The following NDRG3 variants were observed in gnomAD, a reference collection of about 807,000 sequenced individuals.
NDRG3 encodes the protein protein NDRG3.
A neutral mutation model predicts 57.2 loss-of-function variants in NDRG3; 23 were observed. The ratio of observed to expected loss-of-function variants is 0.40; its 90% CI spans 0.29 to 0.57. The LOEUF is 0.57. NDRG3 is among the 20% of genes least tolerant of loss of function. The probability of loss-of-function intolerance (pLI) is 0.42; values close to 1 mark genes in which losing one functional copy is unlikely to be tolerated. For missense variants in NDRG3, 384 were observed against 457.3 expected (o/e 0.84, Z 1.46); for synonymous variants, 132 against 162.6 (o/e 0.81, Z 1.43).
At chr20:36,680,141 C>T (rs1981129929) in intron 8 of NDRG3, among the ~76,000 whole-genome samples, 1 of 150,932 alleles carries the variant, frequency 6.6e-6, no homozygotes, top group African/African-American at 2.4e-5. Flanking sequence ...TAATTTAGAA[C>T]TACTGCTACA....
intron 1 of NDRG3, among the ~76,000 whole-genome samples, chr20:36,739,887 GTGACAGAGCGAGAC>G (rs1985835199): frequency 7.0e-6 from 1 of 143,348 alleles, no homozygotes; most frequent in Non-Finnish European, 1.5e-5. Flanking sequence ...CCTAGCCTGG[GTGACAGAGCGAGAC>G]TCCGTCTCAA....
In NDRG3 at chr20:36,674,656, A is replaced by ACT. The variant is rs1490125587; in HGVS notation, c.532-3260_532-3259insAG. ...TCTGTCACCCAGGCAGGACTGTAGT[A>ACT]GCATGATCATGGCTCACTGCAACCT... On this transcript the variant is annotated intron_variant, in intron 8 of 15. Transcript: ENST00000349004. 4.9e-5 allele frequency among the ~76,000 whole-genome samples: 7 copies of ACT among 143,662 alleles called. No homozygotes were observed. The East Asian group carries it at 1.4e-3, about 29-fold the overall frequency. The allele number at this position is 143,662 out of a possible 152,430, so 94.2% of individuals were successfully genotyped here. A position where few individuals can be genotyped will look rare whatever the true frequency, so the allele number is the denominator to read the frequency against.
chr20:36,718,213 G>A (rs569735241), intron 2 of NDRG3, among the ~76,000 whole-genome samples: 35 of 152,226 alleles, frequency 2.3e-4, no homozygotes, highest in Non-Finnish European at 5.0e-4. Context: ...TTCACATACT[G>A]GGGAGGGGGA....
At chr20:36,685,462 C>A (rs2148111687) in intron 5 of NDRG3, among the ~76,000 whole-genome samples, 1 of 152,168 alleles carries the variant, frequency 6.6e-6, no homozygotes, top group East Asian at 1.9e-4. Context: ...AGGCGCATGC[C>A]ACCATGCCTG....
chr20:36,701,950 G>A (rs1386769919), intron 3 of NDRG3, among the ~76,000 whole-genome samples: 1 of 151,128 alleles, frequency 6.6e-6, no homozygotes, highest in Non-Finnish European at 1.5e-5. Flanking sequence ...TTTTTCTTGA[G>A]CCCTCTGACT....
At position 36,729,788 on chromosome 20, in the gene NDRG3, A is replaced by G. The variant is rs368199964; in HGVS notation, c.-48-8005T>C. On this transcript the variant is annotated intron_variant, in intron 1 of 15. Coordinates refer to ENST00000349004, the MANE Select transcript of NDRG3 (RefSeq NM_032013.4). Reference sequence around the variant, plus strand: ...AGCGATCCACCCACGTCAGCCTCCCAAAGTGCTAGAATTACAGGCATGAGC... The same window carrying G: ...AGCGATCCACCCACGTCAGCCTCCCGAAGTGCTAGAATTACAGGCATGAGC... 3.3e-5 allele frequency among the ~76,000 whole-genome samples: 5 copies of G among 152,008 alleles called. No individual in the cohort carries two copies. In the South Asian group the frequency reaches 6.2e-4, roughly 19 times the overall value.
chr20:36,712,514 GC>G (rs1400460647), intron 2 of NDRG3, among the ~76,000 whole-genome samples: 1 of 119,744 alleles, frequency 8.4e-6, no homozygotes, highest in Non-Finnish European at 1.6e-5. Context: ...TCCTGCTTCA[GC>G]CACTTGAGTA....
chr20:36,721,632 G>A, intron 2 of NDRG3, 47 bp downstream of exon 2: 1 of 1,127,720 alleles, frequency 8.9e-7, no homozygotes, highest in Non-Finnish European at 1.3e-6. Context: ...AATACTATCA[G>A]AAGAAAAGGC....
chr20:36,660,220 G>T, intron 13 of NDRG3, 117 bp downstream of exon 13: 1 of 814,294 alleles, frequency 1.2e-6, no homozygotes. Context: ...AGAAAAAGAA[G>T]AGAATGAGAT....
chr20:36,657,325 T>C (rs766965268), intron 13 of NDRG3, among the ~76,000 whole-genome samples: 2 of 151,980 alleles, frequency 1.3e-5, no homozygotes, highest in African/African-American at 2.4e-5. Context: ...CCATCTCTAC[T>C]AAAAATACAA....
chr20:36,665,410 T>C, intron 10 of NDRG3, 109 bp from the exon 11 acceptor site: 5 of 981,752 alleles, frequency 5.1e-6, no homozygotes, highest in Non-Finnish European at 8.1e-6. Context: ...AAACTATCTT[T>C]CCTTCACACC....
intron 5 of NDRG3, among the ~76,000 whole-genome samples, chr20:36,686,943 C>T (rs1981835205): frequency 1.3e-5 from 2 of 152,020 alleles, no homozygotes; most frequent in Admixed American, 1.3e-4. Context: ...CAGCCTCAAT[C>T]CCCTGGGCTC....
At chr20:36,717,627 C>T (rs908722584) in intron 2 of NDRG3, among the ~76,000 whole-genome samples, 1 of 151,736 alleles carries the variant, frequency 6.6e-6, no homozygotes, top group African/African-American at 2.4e-5. Flanking sequence ...AGGAATAATA[C>T]TATCTATCTC....
chr20:36,736,640 G>A (rs1450155019), intron 1 of NDRG3, among the ~76,000 whole-genome samples: 1 of 152,160 alleles, frequency 6.6e-6, no homozygotes, highest in East Asian at 1.9e-4. Context: ...ATGGATGTTG[G>A]TTCTACTGCT....
chr20:36,733,171 A>ATATATAT (rs57063755), intron 1 of NDRG3, among the ~76,000 whole-genome samples: 11 of 33,146 alleles, frequency 3.3e-4, no homozygotes, highest in Admixed American at 9.6e-4. Context: ...AAAAAAAAAA[A>ATATATAT]ATATATATAT....
At chr20:36,668,275 T>A (rs1254011693) in intron 9 of NDRG3, among the ~76,000 whole-genome samples, 1 of 152,122 alleles carries the variant, frequency 6.6e-6, no homozygotes, top group Non-Finnish European at 1.5e-5. Flanking sequence ...TCCCATCTTT[T>A]TAAAAACACA....
chr20:36,722,793 C>T (rs1984674282), intron 1 of NDRG3, among the ~76,000 whole-genome samples: 1 of 152,214 alleles, frequency 6.6e-6, no homozygotes, highest in African/African-American at 2.4e-5. Context: ...TATAATCGCC[C>T]ACCCAAATAA....
At chr20:36,711,075 T>C (rs1453420862) in intron 2 of NDRG3, among the ~76,000 whole-genome samples, 1 of 142,120 alleles carries the variant, frequency 7.0e-6, no homozygotes, top group Non-Finnish European at 1.5e-5. Flanking sequence ...GGTCAAGAGA[T>C]CAAGACCATC....
intron 3 of NDRG3, among the ~76,000 whole-genome samples, chr20:36,704,579 T>G (rs943010516): frequency 4.6e-5 from 7 of 152,206 alleles, no homozygotes; most frequent in African/African-American, 1.7e-4. Flanking sequence ...TGGTTCAACC[T>G]AGGATCCAAA....
Sources: gnomAD v4.1 joint callset for allele counts (sites outside exome capture counted in the v4.1 genomes callset) on GRCh38, gnomAD v4.1.1 for gene constraint, MANE v1.5 for transcripts, NCBI Gene and HGNC (gene_info 2026-07-23, HGNC 2026-07-21) for gene names.